The following ZC3H12B variants were observed in gnomAD, a reference collection of about 807,000 sequenced individuals.
The protein encoded by ZC3H12B is probable ribonuclease ZC3H12B.
In ZC3H12B, 7 loss-of-function variants were observed where a neutral mutation model predicts 43.9. That is an observed-to-expected ratio of 0.16 (90% CI 0.09 to 0.30). ZC3H12B has a LOEUF of 0.30. Ranked by LOEUF, ZC3H12B falls within the 10% of genes least tolerant of loss-of-function variation. The pLI is 1.00. For synonymous variants in ZC3H12B, 222 were observed against 241.7 expected (o/e 0.92, Z 0.76); for missense variants, 475 against 670.2 (o/e 0.71, Z 3.22).
At chrX:65,118,857 T>A in the ZC3H12B span, among the ~76,000 whole-genome samples, 1 of 94,838 alleles carries the variant, frequency 1.1e-5, no homozygotes, top group Non-Finnish European at 2.1e-5. Context: ...TGTCCATGTG[T>A]TCTCATTGTT....
At chrX:65,229,366 C>T in the ZC3H12B span, among the ~76,000 whole-genome samples, 2 of 110,055 alleles carry the variant, frequency 1.8e-5, no homozygotes, top group African/African-American at 3.3e-5. Context: ...TTCCTTACAC[C>T]TTATACAAAA....
At chrX:65,239,079 T>A in the ZC3H12B span, among the ~76,000 whole-genome samples, 1 of 112,054 alleles carries the variant, frequency 8.9e-6, no homozygotes, top group Admixed American at 9.5e-5. Flanking sequence ...GGTAGAGAGT[T>A]CTGTAGATGG....
At chrX:65,079,966 A>T in the ZC3H12B span, among the ~76,000 whole-genome samples, 1 of 111,404 alleles carries the variant, frequency 9.0e-6, no homozygotes, top group African/African-American at 3.3e-5. Flanking sequence ...AAACTTAGAG[A>T]AATTGAAGAT....
At chrX:65,216,952 G>A in the ZC3H12B span, among the ~76,000 whole-genome samples, 2 of 111,613 alleles carry the variant, frequency 1.8e-5, no homozygotes, top group Non-Finnish European at 3.8e-5. Context: ...TGGCAGTTAG[G>A]CAGTAGCAGC....
At chrX:65,331,193 C>T in the ZC3H12B span, 615 of 168,774 alleles carry the variant, frequency 3.6e-3, 2 homozygotes, top group African/African-American at 0.017. Flanking sequence ...CACTCACCCA[C>T]CCTCCTGGAG....
chrX:65,389,763 C>T (rs187677311), intron 2 of ZC3H12B, among the ~76,000 whole-genome samples: 2 of 112,432 alleles, frequency 1.8e-5, no homozygotes, highest in South Asian at 7.4e-4. Flanking sequence ...TCCTATTCGG[C>T]CATCTTGGCT....
chrX:65,139,281 G>C, the ZC3H12B span, among the ~76,000 whole-genome samples: 1 of 112,228 alleles, frequency 8.9e-6, no homozygotes, highest in African/African-American at 3.2e-5. Context: ...TGTGAAATAA[G>C]AGTGTAGTTT....
the ZC3H12B span, among the ~76,000 whole-genome samples, chrX:65,201,441 T>C: frequency 8.9e-6 from 1 of 111,922 alleles, no homozygotes; most frequent in African/African-American, 3.2e-5. Flanking sequence ...TTTTTTCTTT[T>C]ATTCTTTATT....
chrX:65,129,765 G>A, the ZC3H12B span, among the ~76,000 whole-genome samples: 1 of 110,427 alleles, frequency 9.1e-6, no homozygotes, highest in African/African-American at 3.3e-5. Flanking sequence ...AATTTTGGGG[G>A]GATGGTATGA....
At chrX:65,042,131 C>G in the ZC3H12B span, among the ~76,000 whole-genome samples, 1 of 112,599 alleles carries the variant, frequency 8.9e-6, no homozygotes, top group East Asian at 2.8e-4. Flanking sequence ...TTGCTCTTTA[C>G]TTACAGATTT....
At chrX:65,074,665 G>T in the ZC3H12B span, among the ~76,000 whole-genome samples, 12 of 111,148 alleles carry the variant, frequency 1.1e-4, no homozygotes, top group Admixed American at 5.7e-4. Context: ...CTTTTTTATT[G>T]TTTTTGTTTC....
the ZC3H12B span, among the ~76,000 whole-genome samples, chrX:65,154,865 T>C: frequency 9.0e-6 from 1 of 111,633 alleles, no homozygotes; most frequent in East Asian, 2.8e-4. Flanking sequence ...AAAATAGAAA[T>C]AAAAATATTT....
exon 5 of ZC3H12B, chrX:65,503,346 C>A: frequency 1.9e-6 from 1 of 537,324 alleles, no homozygotes; most frequent in Non-Finnish European, 2.8e-6. Flanking sequence ...CGCTTAACAA[C>A]CCTGTGAGGT....
chrX:65,240,692 A>T, the ZC3H12B span, among the ~76,000 whole-genome samples: 1 of 112,293 alleles, frequency 8.9e-6, no homozygotes. Flanking sequence ...ATTCGTTTTC[A>T]TCCTTGTAGG....
chrX:65,047,746 C>G, the ZC3H12B span, among the ~76,000 whole-genome samples: 4 of 110,582 alleles, frequency 3.6e-5, no homozygotes, highest in African/African-American at 1.3e-4. Context: ...TTCTTTCAGC[C>G]TACCCATGTA....
the ZC3H12B span, among the ~76,000 whole-genome samples, chrX:65,166,175 C>G: frequency 8.1e-5 from 9 of 110,890 alleles, no homozygotes; most frequent in African/African-American, 3.0e-4. Context: ...AGGTATATCT[C>G]CTAATGCTAT....
At chrX:65,491,806 A>G (rs1182826387) in intron 1 of ZC3H12B, among the ~76,000 whole-genome samples, 3 of 108,960 alleles carry the variant, frequency 2.8e-5, no homozygotes, top group African/African-American at 1.0e-4. Context: ...TCATGACATC[A>G]TCATAATTAT....
the ZC3H12B span, among the ~76,000 whole-genome samples, chrX:65,224,843 G>A: frequency 2.9e-4 from 32 of 112,227 alleles, no homozygotes; most frequent in Non-Finnish European, 3.8e-5. Context: ...CCATTGCCAA[G>A]GCTTGCTTAG....
the ZC3H12B span, among the ~76,000 whole-genome samples, chrX:65,070,816 GTT>G: frequency 5.4e-5 from 3 of 56,045 alleles, no homozygotes; most frequent in African/African-American, 1.4e-4. Context: ...TATGATTTCT[GTT>G]TTTTTTTTTT....
Sources: gnomAD v4.1 joint callset for allele counts (sites outside exome capture counted in the v4.1 genomes callset) on GRCh38, gnomAD v4.1.1 for gene constraint, MANE v1.5 for transcripts, NCBI Gene and HGNC (gene_info 2026-07-23, HGNC 2026-07-21) for gene names.